Variants in MARCHF3 observed in about 807,000 individuals in gnomAD.
MARCHF3 encodes membrane associated ring-CH-type finger 3, also known as E3 ubiquitin-protein ligase MARCHF3.
In MARCHF3, 13 loss-of-function variants were observed where a neutral mutation model predicts 24.2. The ratio of observed to expected loss-of-function variants is 0.54; its 90% CI spans 0.35 to 0.85. The LOEUF is 0.85. Among genes scored for constraint, MARCHF3 ranks in the 40% least tolerant of loss-of-function variants. The pLI, the probability that MARCHF3 is intolerant of heterozygous loss-of-function variation, is 0.01. For missense variants in MARCHF3, 276 were observed against 325.0 expected (o/e 0.85, Z 1.16); for synonymous variants, 144 against 137.3 (o/e 1.05, Z -0.34).
At chr5:126,896,199 G>A (rs1300820885) in intron 3 of MARCHF3, among the ~76,000 whole-genome samples, 2 of 152,100 alleles carry the variant, frequency 1.3e-5, no homozygotes, top group Non-Finnish European at 2.9e-5. Flanking sequence ...ACTGACCTGC[G>A]CCCACTGTCT....
At chr5:127,029,853 T>C (rs1753119119) in intron 1 of MARCHF3, 2 of 152,280 alleles carry the variant, frequency 1.3e-5, no homozygotes, top group African/African-American at 2.4e-5. Flanking sequence ...TTCCTCTCAG[T>C]AGCTGCAGAG....
At chr5:126,935,298 T>G (rs968651599) in intron 1 of MARCHF3, among the ~76,000 whole-genome samples, 1 of 152,104 alleles carries the variant, frequency 6.6e-6, no homozygotes, top group Admixed American at 6.5e-5. Context: ...TTCAATCATG[T>G]GAAGGTCCGA....
intron 1 of MARCHF3, among the ~76,000 whole-genome samples, chr5:126,923,226 T>A (rs1174927962): frequency 6.6e-6 from 1 of 152,212 alleles, no homozygotes; most frequent in Non-Finnish European, 1.5e-5. Context: ...GTGGGTCTAT[T>A]TGTCAGAGCA....
chr5:126,870,504 A>AAT lies in MARCHF3; in HGVS notation c.*127_*128dup, dbSNP rs1481571541. ...AGGTTGTTGCTTGGAGTGATGTGCT[A>AAT]ATATGCTCTGGATGTTCTTAGACCC... On this transcript the variant is annotated 3_prime_UTR_variant, in exon 5 of 5. Coordinates refer to ENST00000308660, the MANE Select transcript of MARCHF3 (RefSeq NM_178450.5). The AAT allele has an allele frequency of 1.3e-6, 1 of 754,472 alleles. No homozygotes were observed. The highest frequency in any genetic ancestry group is 2.2e-6 in the Non-Finnish European group (1 of 454,480). 46.7% of individuals were successfully genotyped at this position (754,472 alleles called of 1,614,324 possible).
At chr5:127,000,629 T>A (rs1752095881) in intron 1 of MARCHF3, among the ~76,000 whole-genome samples, 1 of 152,232 alleles carries the variant, frequency 6.6e-6, no homozygotes, top group African/African-American at 2.4e-5. Flanking sequence ...TGAAAGGAAC[T>A]GCAACTGCCT....
intron 1 of MARCHF3, among the ~76,000 whole-genome samples, chr5:126,973,879 ATTTTTTTTTTTTTTTTTTTT>A (rs10585434): frequency 1.2e-5 from 1 of 82,942 alleles, no homozygotes; most frequent in Admixed American, 1.6e-4. Context: ...AGCAAAATCT[ATTTTTTTTTTTTTTTTTTTT>A]TTTTTTTTTG....
At chr5:126,895,044 CTTCATTTCA>C (rs1753826523) in intron 3 of MARCHF3, among the ~76,000 whole-genome samples, 1 of 152,006 alleles carries the variant, frequency 6.6e-6, no homozygotes, top group Non-Finnish European at 1.5e-5. Context: ...TCCCTTCTCG[CTTCATTTCA>C]TTCATTTCAT....
intron 3 of MARCHF3, among the ~76,000 whole-genome samples, chr5:126,897,056 T>TTTTTTTTTTTTTTTTTTTG (rs70997319): frequency 6.7e-6 from 1 of 148,946 alleles, no homozygotes; most frequent in African/African-American, 2.5e-5. Flanking sequence ...TTTTTTTTTT[T>TTTTTTTTTTTTTTTTTTTG]GAGATGGAGT....
intron 1 of MARCHF3, among the ~76,000 whole-genome samples, chr5:126,960,560 A>G (rs1750607115): frequency 6.6e-6 from 1 of 151,946 alleles, no homozygotes; most frequent in Non-Finnish European, 1.5e-5. Flanking sequence ...ACTTATTAAT[A>G]TTTTCCCATG....
chr5:126,911,714 A>G (rs1754538067), intron 3 of MARCHF3, among the ~76,000 whole-genome samples: 1 of 152,210 alleles, frequency 6.6e-6, no homozygotes, highest in South Asian at 2.1e-4. Context: ...ATAGATATCT[A>G]CTAACCATAA....
intron 1 of MARCHF3, among the ~76,000 whole-genome samples, chr5:127,016,305 T>C (rs1752637348): frequency 6.6e-6 from 1 of 152,170 alleles, no homozygotes; most frequent in Non-Finnish European, 1.5e-5. Flanking sequence ...AATTTATTTT[T>C]TAAATGAATT....
Position 126,907,389 on chromosome 5 carries a change from C to T in MARCHF3, c.393+7541G>A, listed in dbSNP as rs1391759765. On this transcript the variant is annotated intron_variant, in intron 3 of 4. Transcript: ENST00000308660. ...GGGTATCCTTGTTGACTTTCTGTCTCGTTGATCTGTCTAATGTTGACAGTG... is the reference window on the plus strand; with the variant it reads ...GGGTATCCTTGTTGACTTTCTGTCTTGTTGATCTGTCTAATGTTGACAGTG... 1.2e-4 allele frequency among the ~76,000 whole-genome samples: 16 copies of T among 131,018 alleles called. No homozygotes were observed. In the East Asian group the frequency reaches 1.4e-3, roughly 11 times the overall value. The allele number at this position is 131,018 out of a possible 152,430, so 86.0% of individuals were successfully genotyped here. A position where few individuals can be genotyped will look rare whatever the true frequency, so the allele number is the denominator to read the frequency against.
At chr5:126,933,634 C>T (rs1425185560) in intron 1 of MARCHF3, among the ~76,000 whole-genome samples, 16 of 152,114 alleles carry the variant, frequency 1.1e-4, no homozygotes, top group African/African-American at 2.9e-4. Context: ...TTAGTAGAGA[C>T]GGGGTTTCAC....
chr5:126,895,828 G>C (rs1048583740), intron 3 of MARCHF3, among the ~76,000 whole-genome samples: 5 of 152,156 alleles, frequency 3.3e-5, no homozygotes, highest in Non-Finnish European at 5.9e-5. Context: ...CCTGAGCTGT[G>C]GTGGGCTCCA....
At chr5:126,945,497 G>C (rs1749980636) in intron 1 of MARCHF3, among the ~76,000 whole-genome samples, 1 of 152,244 alleles carries the variant, frequency 6.6e-6, no homozygotes, top group Non-Finnish European at 1.5e-5. Flanking sequence ...AAATGGGAGA[G>C]AGAAGAGAGT....
At chr5:127,011,735 T>C (rs1271461665) in intron 1 of MARCHF3, among the ~76,000 whole-genome samples, 2 of 152,212 alleles carry the variant, frequency 1.3e-5, no homozygotes, top group South Asian at 4.1e-4. Flanking sequence ...TTTTAACTGG[T>C]TGGTTATTCC....
At chr5:126,890,531 T>C (rs1487509359) in intron 3 of MARCHF3, among the ~76,000 whole-genome samples, 4 of 150,338 alleles carry the variant, frequency 2.7e-5, no homozygotes, top group African/African-American at 9.8e-5. Flanking sequence ...AGTGAGAATA[T>C]GCAGTGTTTG....
At chr5:126,908,881 G>T (rs1199253522) in intron 3 of MARCHF3, among the ~76,000 whole-genome samples, 1 of 152,170 alleles carries the variant, frequency 6.6e-6, no homozygotes, top group Non-Finnish European at 1.5e-5. Flanking sequence ...CGTTCCTTTG[G>T]AGGAGGAGAG....
intron 1 of MARCHF3, among the ~76,000 whole-genome samples, chr5:127,018,791 C>T (rs1752706450): frequency 6.6e-6 from 1 of 152,168 alleles, no homozygotes; most frequent in South Asian, 2.1e-4. Context: ...AAAGGGAAAC[C>T]ATGGAGAGCA....
Sources: allele counts gnomAD v4.1 joint callset (sites outside exome capture counted in the v4.1 genomes callset), GRCh38; gene constraint gnomAD v4.1.1; transcripts MANE v1.5; gene names NCBI Gene and HGNC (gene_info 2026-07-23, HGNC 2026-07-21).